Variants in TTC6 observed in about 807,000 individuals in gnomAD.
TTC6 encodes tetratricopeptide repeat domain 6.
A neutral mutation model predicts 210.4 loss-of-function variants in TTC6; 172 were observed. That is an observed-to-expected ratio of 0.82 (90% CI 0.72 to 0.93). The LOEUF is 0.93. TTC6 is among the 40% of genes least tolerant of loss of function. The pLI is 0.00. For synonymous variants in TTC6, 804 were observed against 819.6 expected (o/e 0.98, Z 0.32); for missense variants, 2,414 against 2,318.1 (o/e 1.04, Z -0.85).
chr14:37,643,018 CATT>C (rs1196662743), intron 1 of TTC6, among the ~76,000 whole-genome samples: 1 of 152,144 alleles, frequency 6.6e-6, no homozygotes, highest in Admixed American at 6.5e-5. Flanking sequence ...TTTGAAATCT[CATT>C]ATCTGGCCGG....
At chr14:37,841,344 G>A in intron 29 of TTC6, 101 bp from the exon 32 acceptor site, 1 of 955,378 alleles carries the variant, frequency 1.0e-6, no homozygotes, top group East Asian at 2.7e-5. Flanking sequence ...TGACCTCTTG[G>A]TATGCCACTG....
intron 7 of TTC6, among the ~76,000 whole-genome samples, chr14:37,728,425 A>C (rs2415409): frequency 2.2e-4 from 33 of 148,958 alleles, no homozygotes; most frequent in African/African-American, 8.1e-4. Flanking sequence ...ACCAAAAAAA[A>C]AAAAAAAAAA....
chr14:37,814,424 TA>T (rs1340175453), intron 25 of TTC6, among the ~76,000 whole-genome samples: 8 of 151,742 alleles, frequency 5.3e-5, no homozygotes, highest in East Asian at 1.9e-4. Flanking sequence ...AAATGGAATA[TA>T]AAAAAATATT....
chr14:37,792,233 A>T (rs1247551255), intron 16 of TTC6, 31 bp from the exon 19 acceptor site: 3 of 1,457,504 alleles, frequency 2.1e-6, no homozygotes, highest in Non-Finnish European at 2.7e-6. Flanking sequence ...AAAAATGTTT[A>T]ACAAGATTTC....
intron 25 of TTC6, 51 bp from the exon 28 acceptor site, chr14:37,817,527 G>A (rs2096144931): frequency 1.3e-6 from 2 of 1,543,308 alleles, no homozygotes; most frequent in Non-Finnish European, 1.8e-6. Flanking sequence ...GTTTAAGATA[G>A]CACATAAAAT....
chr14:37,825,487 A>G (rs997986041), intron 27 of TTC6, among the ~76,000 whole-genome samples: 1 of 152,030 alleles, frequency 6.6e-6, no homozygotes, highest in Admixed American at 6.6e-5. Context: ...ATCAGAAAAA[A>G]AGACAGACTC....
Position 37,790,706 on chromosome 14 carries a change from A to T in TTC6, c.3437-11A>T. On this transcript the variant is annotated splice_polypyrimidine_tract_variant and intron_variant, in intron 15 of 30. Coordinates refer to ENST00000553443, the Ensembl canonical transcript of TTC6. Reference sequence around the variant, plus strand: ...AACCTGAATGAAATACATTTTTTTAAACTTTTTAAGCACTCATAAATGATG... The same window carrying T: ...AACCTGAATGAAATACATTTTTTTATACTTTTTAAGCACTCATAAATGATG... 6.5e-7 allele frequency: 1 copy of T among 1,530,112 alleles called. No individual in the cohort carries two copies. The highest frequency in any genetic ancestry group is 1.4e-5 in the African/African-American group (1 of 72,950). 94.8% of individuals were successfully genotyped at this position (1,530,112 alleles called of 1,614,324 possible). A position where few individuals can be genotyped will look rare whatever the true frequency, so the allele number is the denominator to read the frequency against.
chr14:37,796,762 T>G, intron 19 of TTC6, 25 bp from the exon 22 acceptor site: 1 of 1,586,224 alleles, frequency 6.3e-7, no homozygotes, highest in East Asian at 2.3e-5. Context: ...GGCAAAGATA[T>G]TGATAAACTT....
At chr14:37,718,785 G>A (rs1020259720) in intron 6 of TTC6, among the ~76,000 whole-genome samples, 2 of 152,002 alleles carry the variant, frequency 1.3e-5, no homozygotes, top group Non-Finnish European at 2.9e-5. Flanking sequence ...AAAATTAGCT[G>A]GGCATGGTGG....
chr14:37,643,559 T>G (rs1595052964), intron 1 of TTC6, among the ~76,000 whole-genome samples: 1 of 152,242 alleles, frequency 6.6e-6, no homozygotes, highest in East Asian at 1.9e-4. Context: ...ATCATCAGAT[T>G]TTTTTCAGTC....
At chr14:37,830,170 G>A (rs189434072) in intron 29 of TTC6, among the ~76,000 whole-genome samples, 2 of 152,064 alleles carry the variant, frequency 1.3e-5, no homozygotes, top group Non-Finnish European at 2.9e-5. Flanking sequence ...TCTTGTAAGT[G>A]CTGCTTTCTT....
chr14:37,814,508 G>A (rs8019324), intron 25 of TTC6, among the ~76,000 whole-genome samples: 18,802 of 152,074 alleles, frequency 0.12, 1,414 homozygotes, highest in African/African-American at 0.21. Context: ...GAAAAGAAAT[G>A]ATAATATAGA....
chr14:37,660,224 T>C (rs993041847), intron 1 of TTC6, among the ~76,000 whole-genome samples: 1 of 152,176 alleles, frequency 6.6e-6, no homozygotes, highest in Non-Finnish European at 1.5e-5. Flanking sequence ...CCAGGGTTTT[T>C]TTTTTAATTT....
chr14:37,662,395 G>A (rs1029964068), intron 1 of TTC6, among the ~76,000 whole-genome samples: 14 of 152,062 alleles, frequency 9.2e-5, no homozygotes, highest in East Asian at 1.9e-4. Context: ...CCTTTTCTGC[G>A]TCTATTGAGA....
At chr14:37,730,256 CTCTTA>C (rs1370192208) in intron 7 of TTC6, among the ~76,000 whole-genome samples, 1 of 152,106 alleles carries the variant, frequency 6.6e-6, no homozygotes, top group African/African-American at 2.4e-5. Flanking sequence ...GTTATTCCTT[CTCTTA>C]AACTTATATT....
chr14:37,675,868 T>C (rs1407571928), intron 1 of TTC6, among the ~76,000 whole-genome samples: 1 of 152,018 alleles, frequency 6.6e-6, no homozygotes, highest in Non-Finnish European at 1.5e-5. Context: ...TTGGCTTTTG[T>C]ATATCTTCTT....
At chr14:37,623,675 G>C (rs1435073053) in intron 1 of TTC6, among the ~76,000 whole-genome samples, 1 of 152,090 alleles carries the variant, frequency 6.6e-6, no homozygotes, top group Non-Finnish European at 1.5e-5. Flanking sequence ...AGTTAAAAAA[G>C]ATTGGCACAG....
chr14:37,706,414 G>C (rs978057808), intron 5 of TTC6, among the ~76,000 whole-genome samples: 3 of 152,132 alleles, frequency 2.0e-5, no homozygotes, highest in Admixed American at 2.0e-4. Flanking sequence ...GAGTGCCCAG[G>C]CTTACCAAGG....
chr14:37,835,651 G>T (rs1262842766), intron 29 of TTC6, among the ~76,000 whole-genome samples: 2 of 152,184 alleles, frequency 1.3e-5, no homozygotes, highest in Middle Eastern at 3.4e-3. Context: ...GGGAGTGAAC[G>T]GTGAAGAAAG....
Sources: gnomAD v4.1 joint callset for allele counts (sites outside exome capture counted in the v4.1 genomes callset) on GRCh38, gnomAD v4.1.1 for gene constraint, MANE v1.5 for transcripts, NCBI Gene and HGNC (gene_info 2026-07-23, HGNC 2026-07-21) for gene names.